Variants in FAM222B observed in about 807,000 individuals in gnomAD.
FAM222B encodes the protein family with sequence similarity 222 member B.
FAM222B carries 12 observed loss-of-function variants against 38.0 expected under a neutral mutation model. The ratio of observed to expected loss-of-function variants is 0.32; its 90% CI spans 0.20 to 0.51. The LOEUF (loss-of-function observed/expected upper bound fraction) is 0.51, where lower values mean the gene tolerates loss of function less well. FAM222B is among the 20% of genes least tolerant of loss of function. The pLI, the probability that FAM222B is intolerant of heterozygous loss-of-function variation, is 0.97. For missense variants in FAM222B, 716 were observed against 754.2 expected (o/e 0.95, Z 0.59); for synonymous variants, 329 against 317.2 (o/e 1.04, Z -0.40).
intron 1 of FAM222B, among the ~76,000 whole-genome samples, chr17:28,810,187 G>A (rs981270368): frequency 2.6e-5 from 4 of 151,680 alleles, no homozygotes; most frequent in East Asian, 1.9e-4. Context: ...TGGTAGAGAC[G>A]GGGTTTTCAC....
At chr17:28,833,425 T>A (rs2038734240) in intron 1 of FAM222B, among the ~76,000 whole-genome samples, 1 of 151,674 alleles carries the variant, frequency 6.6e-6, no homozygotes, top group African/African-American at 2.4e-5. Context: ...GAGACTACCC[T>A]GGCCAACATG....
rs761512406 is a variant in FAM222B, at chr17:28,759,100, CTGAGGTAGTGCT to C, written c.847_858del (p.Ser283_Ser286del). On this transcript the variant is annotated inframe_deletion, in exon 3 of 3. Coordinates refer to ENST00000581407, the MANE Select transcript of FAM222B (RefSeq NM_001077498.3). The surrounding 1 kb of genome is among the most constrained non-coding windows in gnomAD (Gnocchi z 4.8). ...GGGTTGGCGATCTGGCCCTCACACA[CTGAGGTAGTGCT>C]GATGCCTGCCCTCGTCTGGCAAAAC... 6 of 1,611,674 alleles carry C rather than the reference CTGAGGTAGTGCT, an allele frequency of 3.7e-6. No homozygotes were observed.
intron 1 of FAM222B, among the ~76,000 whole-genome samples, chr17:28,773,035 G>T (rs564741138): frequency 6.6e-6 from 1 of 152,300 alleles, no homozygotes; most frequent in South Asian, 2.1e-4. Context: ...AGGAAGGAGT[G>T]AACCAGTAAG....
chr17:28,810,630 C>G (rs944732130), intron 1 of FAM222B, among the ~76,000 whole-genome samples: 1 of 152,196 alleles, frequency 6.6e-6, no homozygotes, highest in African/African-American at 2.4e-5. Context: ...TCCCCTTTCC[C>G]TCCCAATTTA....
chr17:28,785,506 G>A (rs1337805258), intron 1 of FAM222B, among the ~76,000 whole-genome samples: 6 of 152,066 alleles, frequency 3.9e-5, no homozygotes, highest in East Asian at 3.9e-4. Context: ...ATTCTAAGCC[G>A]TGGTTTTGAT....
chr17:28,801,097 AAG>A, intron 1 of FAM222B, among the ~76,000 whole-genome samples: 1 of 150,202 alleles, frequency 6.7e-6, no homozygotes, highest in African/African-American at 2.5e-5. Flanking sequence ...GTGGAGGTTA[AAG>A]TGAGCCGAGA....
chr17:28,766,920 C>A (rs2035357629), intron 1 of FAM222B: 4 of 466,880 alleles, frequency 8.6e-6, no homozygotes, highest in Non-Finnish European at 1.6e-5. Context: ...TCAGTTACCA[C>A]AGATGTATGG....
chr17:28,794,222 CTT>C (rs35751655), intron 1 of FAM222B, among the ~76,000 whole-genome samples: 43 of 142,214 alleles, frequency 3.0e-4, no homozygotes, highest in South Asian at 4.4e-4. Flanking sequence ...TTGTCTTTTG[CTT>C]TTTTTTTTTT....
chr17:28,837,749 T>C (rs1042909453), intron 1 of FAM222B, among the ~76,000 whole-genome samples: 1 of 151,826 alleles, frequency 6.6e-6, no homozygotes, highest in Admixed American at 6.6e-5. Context: ...ACCTCCTGGA[T>C]TCAAGCGATT....
chr17:28,760,513 G>A (rs986403056), intron 2 of FAM222B, among the ~76,000 whole-genome samples: 1 of 152,052 alleles, frequency 6.6e-6, no homozygotes, highest in African/African-American at 2.4e-5. Context: ...CCAGGAGGCG[G>A]AGGTTGCAGT....
At chr17:28,784,601 G>T (rs1871707201) in intron 1 of FAM222B, among the ~76,000 whole-genome samples, 1 of 151,310 alleles carries the variant, frequency 6.6e-6, no homozygotes, top group East Asian at 1.9e-4. Context: ...CACTCTGGGA[G>T]GCTGAGGTGG....
At chr17:28,806,792 G>A (rs1393216062) in intron 1 of FAM222B, among the ~76,000 whole-genome samples, 2 of 152,054 alleles carry the variant, frequency 1.3e-5, no homozygotes, top group African/African-American at 4.8e-5. Flanking sequence ...ATTTCAAATA[G>A]GGTTCCTGAA....
intron 1 of FAM222B, among the ~76,000 whole-genome samples, chr17:28,802,007 C>CAA (rs61492022): frequency 1.8e-5 from 2 of 109,322 alleles, no homozygotes; most frequent in African/African-American, 7.0e-5. Flanking sequence ...TTGCTGAATG[C>CAA]AAAAAAAAAA....
chr17:28,771,114 A>G (rs934658109), intron 1 of FAM222B, among the ~76,000 whole-genome samples: 9 of 151,906 alleles, frequency 5.9e-5, no homozygotes, highest in Non-Finnish European at 1.2e-4. Flanking sequence ...AAAGACTGCT[A>G]AATCCAAGGT....
chr17:28,841,222 G>C (rs1445964553), intron 1 of FAM222B, among the ~76,000 whole-genome samples: 1 of 152,030 alleles, frequency 6.6e-6, no homozygotes, highest in East Asian at 1.9e-4. Flanking sequence ...TTGAACCCGG[G>C]AGGCGGAGGT....
At chr17:28,828,595 CT>C (rs2152605407) in intron 1 of FAM222B, among the ~76,000 whole-genome samples, 1 of 150,154 alleles carries the variant, frequency 6.7e-6, no homozygotes, top group East Asian at 1.9e-4. Context: ...AAACATACAA[CT>C]GCATTTCTAA....
chr17:28,776,751 C>T (rs537430383), intron 1 of FAM222B, among the ~76,000 whole-genome samples: 1 of 152,178 alleles, frequency 6.6e-6, no homozygotes, highest in South Asian at 2.1e-4. Context: ...AGCCTCGGTG[C>T]CAGCCAAAAG....
chr17:28,837,868 G>T (rs755035643), intron 1 of FAM222B, among the ~76,000 whole-genome samples: 3 of 152,052 alleles, frequency 2.0e-5, no homozygotes, highest in African/African-American at 7.2e-5. Context: ...TGCCAGGCTG[G>T]TCTTGAATTC....
chr17:28,825,449 A>C (rs2038406747), intron 1 of FAM222B, among the ~76,000 whole-genome samples: 1 of 151,432 alleles, frequency 6.6e-6, no homozygotes. Flanking sequence ...AAAAAAAAAA[A>C]AAAAAACACT....
Sources: allele counts gnomAD v4.1 joint callset (sites outside exome capture counted in the v4.1 genomes callset), GRCh38; gene constraint gnomAD v4.1.1; non-coding constraint Gnocchi (gnomAD v3.1); transcripts MANE v1.5; gene names NCBI Gene and HGNC (gene_info 2026-07-23, HGNC 2026-07-21).